Variants in CDH4 observed in about 807,000 individuals in gnomAD.
The protein encoded by CDH4 is cadherin 4, also known as cadherin-4.
In CDH4, 33 loss-of-function variants were observed where a neutral mutation model predicts 86.0. The ratio of observed to expected loss-of-function variants is 0.38; its 90% CI spans 0.29 to 0.51. The LOEUF (loss-of-function observed/expected upper bound fraction) is 0.51, where lower values mean the gene tolerates loss of function less well. CDH4 is among the 20% of genes least tolerant of loss of function. CDH4 has a pLI of 0.86. For synonymous variants in CDH4, 555 were observed against 549.4 expected, an observed-to-expected ratio of 1.01 and a Z score of -0.14; for missense variants, 1,114 against 1,307.4, an observed-to-expected ratio of 0.85 and a Z score of 2.28.
chr20:61,292,987 G>C (rs1004189757), intron 2 of CDH4, among the ~76,000 whole-genome samples: 1 of 152,140 alleles, frequency 6.6e-6, no homozygotes, highest in African/African-American at 2.4e-5. Flanking sequence ...GTGCTGCCGG[G>C]GTCTGCGGCG....
chr20:61,299,461 T>C (rs1176075531), intron 2 of CDH4, among the ~76,000 whole-genome samples: 1 of 152,204 alleles, frequency 6.6e-6, no homozygotes, highest in African/African-American at 2.4e-5. Context: ...AACTGACACA[T>C]TGAAAATGGC....
chr20:61,574,540 A>G (rs2086368169), intron 2 of CDH4, among the ~76,000 whole-genome samples: 1 of 152,044 alleles, frequency 6.6e-6, no homozygotes, highest in African/African-American at 2.4e-5. Context: ...TGCCATTGCA[A>G]GCTTGTGGAT....
chr20:61,898,883 G>A (rs374941345), intron 8 of CDH4, among the ~76,000 whole-genome samples: 14 of 152,316 alleles, frequency 9.2e-5, no homozygotes, highest in Admixed American at 1.3e-4. Context: ...GCTGGGTGGC[G>A]AGCAGACAAG....
chr20:61,787,640 C>T (rs949509346), intron 4 of CDH4, among the ~76,000 whole-genome samples: 2 of 152,170 alleles, frequency 1.3e-5, no homozygotes, highest in Non-Finnish European at 2.9e-5. Context: ...ACAGTCCAGC[C>T]CTCATGGAGT....
At position 61,658,991 on chromosome 20, in the gene CDH4, G is replaced by A. The variant is rs112226844; in HGVS notation, c.170-84572G>A. ...CTCACCCTCAAGGCGTTTCTAACAG[G>A]CCCCCAGGCTGCTGTGGCTGGTCTT... On this transcript the variant is annotated intron_variant, in intron 2 of 15. Transcript: ENST00000614565. Among the ~76,000 whole-genome samples, 59 of 152,166 alleles carry A rather than the reference G, an allele frequency of 3.9e-4. 1 individual carries two copies.
intron 2 of CDH4, among the ~76,000 whole-genome samples, chr20:61,288,700 C>T (rs1042459001): frequency 3.3e-5 from 5 of 152,212 alleles, no homozygotes; most frequent in Non-Finnish European, 5.9e-5. Context: ...CTGCCGCGGC[C>T]GGCTCCAGAC....
In CDH4 at chr20:61,637,437, G is replaced by A. The variant is rs117490876; in HGVS notation, c.170-106126G>A. Among the ~76,000 whole-genome samples, 1,365 of 152,256 alleles carry A rather than the reference G, an allele frequency of 9.0e-3. 8 individuals are homozygous for A. The highest frequency in any genetic ancestry group is 0.017 in the Middle Eastern group (5 of 294). The stretch of plus-strand genomic sequence containing the variant: ...GAACATCCCAGTGTGAACGTTGGAG[G>A]CGCCCTTAAGAACTGCCTTGGTTAC... On this transcript the variant is annotated intron_variant, in intron 2 of 15. Transcript: ENST00000614565.
At chr20:61,714,776 T>C (rs2087934556) in intron 2 of CDH4, among the ~76,000 whole-genome samples, 1 of 152,202 alleles carries the variant, frequency 6.6e-6, no homozygotes, top group Admixed American at 6.5e-5. Flanking sequence ...TCATGACACA[T>C]ATATATGCTA....
At chr20:61,478,139 C>A (rs149702473) in intron 2 of CDH4, among the ~76,000 whole-genome samples, 1 of 152,264 alleles carries the variant, frequency 6.6e-6, no homozygotes, top group African/African-American at 2.4e-5. Flanking sequence ...CGCCACCCCA[C>A]ACAACAAAGA....
chr20:61,380,795 C>T (rs1446544982), intron 2 of CDH4, among the ~76,000 whole-genome samples: 3 of 152,148 alleles, frequency 2.0e-5, no homozygotes, highest in East Asian at 1.9e-4. Flanking sequence ...ATTGCAGCTT[C>T]GGCAAATGAA....
intron 2 of CDH4, among the ~76,000 whole-genome samples, chr20:61,331,773 A>G (rs62198854): frequency 0.29 from 30,473 of 103,572 alleles, 3,158 homozygotes; most frequent in African/African-American, 0.34. Flanking sequence ...TGTTAGTTAC[A>G]GCACTCAGCC....
In CDH4 at chr20:61,539,345, G is replaced by T. The variant is rs145246120; in HGVS notation, c.170-204218G>T. Among the ~76,000 whole-genome samples the T allele has an allele frequency of 2.0e-5, 3 of 152,310 alleles. No individual in the cohort carries two copies. In the East Asian group the frequency reaches 5.8e-4, roughly 29 times the overall value. On this transcript the variant is annotated intron_variant, in intron 2 of 15. Coordinates refer to ENST00000614565, the MANE Select transcript of CDH4 (RefSeq NM_001794.5). ...ACTCCTTGGGGGCTTAAACAACAGA[G>T]ATTTATTTTCTTACAATTCAGGAGC...
intron 6 of CDH4, among the ~76,000 whole-genome samples, chr20:61,864,350 C>G (rs1206663085): frequency 1.3e-5 from 2 of 152,228 alleles, no homozygotes; most frequent in African/African-American, 4.8e-5. Context: ...AGTGCAGTCC[C>G]CTTTGGGGAG....
chr20:61,412,336 A>G (rs984133034), intron 2 of CDH4, among the ~76,000 whole-genome samples: 1 of 152,148 alleles, frequency 6.6e-6, no homozygotes, highest in African/African-American at 2.4e-5. Context: ...GAGCAAGGGC[A>G]TGTTGGTAGC....
In CDH4 at chr20:61,923,673, G is replaced by C; in HGVS notation, c.1597G>C (p.Asp533His). The change falls in exon 10 of 16, where the codon GAC becomes CAC. Residue 533 changes from aspartate (D) to histidine (H), a missense_variant. By Grantham distance (81) the Asp-to-His change is moderately conservative. This residue lies in a region of CDH4 where 705 missense variants were observed against 914.1 expected (regional missense o/e 0.77). Transcript: ENST00000614565. ...GTVLTTFSAV[D>H]PDRFMQQAVR... is the part of the protein sequence containing the mutation. ...CGTGCTGACCACGTTTTCAGCTGTG[G>C]ACCCTGACCGGTTCATGCAGCAGGC... 1 of 1,613,886 alleles carries C rather than the reference G, an allele frequency of 6.2e-7. No individual in the cohort carries two copies. The highest frequency in any genetic ancestry group is 8.5e-7 in the Non-Finnish European group (1 of 1,180,034).
rs116870165 is a variant in CDH4, at chr20:61,333,368, A to C, written c.169+78431A>C. Among the ~76,000 whole-genome samples, 798 of 152,308 alleles carry C rather than the reference A, an allele frequency of 5.2e-3. 4 individuals carry two copies. The highest frequency in any genetic ancestry group is 8.1e-3 in the Non-Finnish European group (549 of 68,024). Reference sequence around the variant, plus strand: ...CAAAATCTGAGTCATAGAAACCTCAATTCAGACATTGCAGGGGTGCGGGTT... The same window carrying C: ...CAAAATCTGAGTCATAGAAACCTCACTTCAGACATTGCAGGGGTGCGGGTT... On this transcript the variant is annotated intron_variant, in intron 2 of 15. Transcript: ENST00000614565.
intron 2 of CDH4, among the ~76,000 whole-genome samples, chr20:61,705,114 G>C (rs971347952): frequency 1.3e-5 from 2 of 152,170 alleles, no homozygotes; most frequent in African/African-American, 2.4e-5. Flanking sequence ...CCCTCTTTAG[G>C]ACACAGGGGC....
rs374943649 is a variant in CDH4, at chr20:61,708,214, G to GCA, written c.170-35338_170-35337dup. Among the ~76,000 whole-genome samples the GCA allele has an allele frequency of 4.6e-5, 7 of 152,172 alleles. No individual in the cohort carries two copies. Among genetic ancestry groups the GCA allele is most frequent in the Non-Finnish European group, 7.4e-5 (5 of 67,956 alleles). On this transcript the variant is annotated intron_variant, in intron 2 of 15. Coordinates refer to ENST00000614565, the MANE Select transcript of CDH4 (RefSeq NM_001794.5). This position sits in a 1 kb window ranked among gnomAD's most constrained non-coding sequence, Gnocchi z 4.5. The stretch of plus-strand genomic sequence containing the variant: ...GTGCTGCCCGCAAGTGCCTGGACCT[G>GCA]CACACACACACAGGGCTGAGTGTAG...
In CDH4 at chr20:61,684,485, A is replaced by G. The variant is rs2087552693; in HGVS notation, c.170-59078A>G. On this transcript the variant is annotated intron_variant, in intron 2 of 15. Transcript: ENST00000614565. This position sits in a 1 kb window ranked among gnomAD's most constrained non-coding sequence, Gnocchi z 4.5. ...ACAAAATAGCCTTGAGCCTGGGCAG[A>G]ATTCGGAGGCAACCATCTCCTGGCC... is the stretch of plus-strand genomic sequence containing the variant. 6.6e-6 allele frequency among the ~76,000 whole-genome samples: 1 copy of G among 152,180 alleles called. No individual in the cohort carries two copies. Among genetic ancestry groups the G allele is most frequent in the African/African-American group, 2.4e-5 (1 of 41,446 alleles).
Sources: allele counts gnomAD v4.1 joint callset (sites outside exome capture counted in the v4.1 genomes callset), GRCh38; gene constraint gnomAD v4.1.1; regional missense constraint gnomAD v4.1.1; non-coding constraint Gnocchi (gnomAD v3.1); transcripts MANE v1.5; gene names NCBI Gene and HGNC (gene_info 2026-07-23, HGNC 2026-07-21).